The following CIT variants were observed in gnomAD, a reference collection of about 807,000 sequenced individuals.
CIT encodes the protein citron Rho-interacting kinase.
In CIT, 79 loss-of-function variants were observed where a neutral mutation model predicts 272.7. The observed-to-expected ratio is 0.29, with a 90% CI of 0.24 to 0.35. The LOEUF (loss-of-function observed/expected upper bound fraction) is 0.35. Ranked by LOEUF, CIT falls within the 10% of genes least tolerant of loss-of-function variation. The probability of loss-of-function intolerance (pLI) is 1.00; values close to 1 mark genes in which losing one functional copy is unlikely to be tolerated. For synonymous variants in CIT, 948 were observed against 995.6 expected, an observed-to-expected ratio of 0.95 and a Z score of 0.90; for missense variants, 1,909 against 2,618.3, an observed-to-expected ratio of 0.73 and a Z score of 5.91.
rs765381193 is a variant in CIT, at chr12:119,701,713, A to G, written c.5453T>C (p.Val1818Ala). 4.3e-6 allele frequency: 7 copies of G among 1,614,096 alleles called. No homozygotes were observed. The highest frequency in any genetic ancestry group is 5.9e-6 in the Non-Finnish European group (7 of 1,180,048). The stretch of plus-strand genomic sequence containing the variant: ...GAAGCTGTTGGAAGAGGCGGCAAAC[A>G]CAGCAGGTGCCAAGGAATGGTCATT... Reference protein sequence around the residue: ...DKNDHSLAPAVFAASSNSFPV... With the variant: ...DKNDHSLAPAAFAASSNSFPV... Residue 1818 changes from valine (V) to alanine (A), a missense_variant, in exon 43 of 48, where the codon GTG (valine) becomes GCG (alanine). Transcript: ENST00000392521.
At chr12:119,819,964 C>T (rs1053885282) in intron 9 of CIT, among the ~76,000 whole-genome samples, 16 of 152,118 alleles carry the variant, frequency 1.1e-4, no homozygotes, top group Non-Finnish European at 1.8e-4. Flanking sequence ...TCTGCATAGT[C>T]GGAAATGCCA....
chr12:119,814,283 AT>A, intron 9 of CIT, among the ~76,000 whole-genome samples: 1 of 152,118 alleles, frequency 6.6e-6, no homozygotes. Flanking sequence ...TTTTTGGCCT[AT>A]TTTTTCTTAC....
Position 119,718,264 on chromosome 12 carries a change from C to T in CIT, c.4149G>A (p.Lys1383=), listed in dbSNP as rs758137948. The change falls in exon 32 of 48, where the codon AAG becomes AAA. Residue 1383 remains lysine, a synonymous_variant. Coordinates refer to ENST00000392521, the MANE Select transcript of CIT (RefSeq NM_001206999.2). The surrounding 1 kb of genome is among the most constrained non-coding windows in gnomAD (Gnocchi z 4.8). ...SLLAPPSSRR[K]ESSTPEEFSR... The stretch of plus-strand genomic sequence containing the variant: ...ACGTACCCTCTGGAGTTGAAGACTC[C>T]TTTCTGCGGCTGGATGGCGGGGCCA... The T allele has an allele frequency of 6.2e-7, 1 of 1,613,352 alleles. No homozygotes were observed. The highest frequency in any genetic ancestry group is 1.7e-5 in the Admixed American group (1 of 59,950).
Position 119,698,003 on chromosome 12 carries a change from A to G in CIT, c.5675T>C (p.Ile1892Thr). The change falls in exon 45 of 48, where the codon ATT becomes ACT. Residue 1892 changes from isoleucine to threonine, a missense_variant. Physicochemically the swap from Ile to Thr is moderately conservative, Grantham distance 89. This residue lies in a region of CIT where 780 missense variants were observed against 1,067.2 expected (regional missense o/e 0.73). Transcript: ENST00000392521. ...TGCTGAGGAGCGTGCCTGGATCTCA[A>G]TTACTTCGAGTGAGTTGAAGTGGGT... ...FVTHFNSLEV[I>T]EIQARSSAGT... is the part of the protein sequence containing the mutation. 1 of 1,614,220 alleles carries G rather than the reference A, an allele frequency of 6.2e-7. No homozygotes were observed. Among genetic ancestry groups the G allele is most frequent in the Non-Finnish European group, 8.5e-7 (1 of 1,180,028 alleles).
chr12:119,727,019 G>T (rs1958151539), intron 28 of CIT, among the ~76,000 whole-genome samples: 1 of 152,176 alleles, frequency 6.6e-6, no homozygotes, highest in South Asian at 2.1e-4. Context: ...TCTGCCCTGT[G>T]CAGGAAGCTA....
intron 46 of CIT, among the ~76,000 whole-genome samples, chr12:119,695,652 TGG>T (rs1956186157): frequency 6.6e-6 from 1 of 152,072 alleles, no homozygotes; most frequent in Non-Finnish European, 1.5e-5. Flanking sequence ...AAAAATTAGC[TGG>T]GTGTGGTGGC....
At chr12:119,868,948 T>A in intron 3 of CIT, 112 bp downstream of exon 3, 1 of 1,301,652 alleles carries the variant, frequency 7.7e-7, no homozygotes. Flanking sequence ...CTGTCTTATA[T>A]AGAACCAGAG....
At chr12:119,750,748 TATAG>T (rs6144898) in intron 23 of CIT, among the ~76,000 whole-genome samples, 26,734 of 147,738 alleles carry the variant, frequency 0.18, 2,469 homozygotes, top group East Asian at 0.25. Context: ...TATATATAGA[TATAG>T]ATAGATAGAT....
At chr12:119,826,815 G>T (rs183844859) in intron 7 of CIT, among the ~76,000 whole-genome samples, 1 of 152,156 alleles carries the variant, frequency 6.6e-6, no homozygotes, top group Non-Finnish European at 1.5e-5. Flanking sequence ...TACCTTGAAG[G>T]CTGGGCTTTT....
rs746941171 is a variant in CIT at position 119,721,273 on chromosome 12, A to G, written c.3732+36T>C. ...TGAGCCACTGCGCCCAGCCGTGCAG[A>G]CCATTTTTAAGCAGATTCCCTCTGC... On this transcript the variant is annotated intron_variant, in intron 29 of 47. Transcript: ENST00000392521. 1.9e-6 allele frequency: 3 copies of G among 1,572,042 alleles called. No individual in the cohort carries two copies. The African/African-American group carries it at 4.0e-5, about 21-fold the overall frequency.
intron 3 of CIT, among the ~76,000 whole-genome samples, chr12:119,868,851 T>A (rs1478361130): frequency 6.6e-6 from 1 of 152,218 alleles, no homozygotes; most frequent in African/African-American, 2.4e-5. Flanking sequence ...ATTCAGTCTT[T>A]GAATTAAGTT....
intron 9 of CIT, among the ~76,000 whole-genome samples, chr12:119,822,276 C>T (rs527652030): frequency 1.3e-5 from 2 of 152,314 alleles, no homozygotes; most frequent in Admixed American, 1.3e-4. Flanking sequence ...ATTCAGTTTG[C>T]ACTAACTGAT....
Position 119,718,291 on chromosome 12 carries a change from C to G in CIT, c.4122G>C (p.Leu1374=), listed in dbSNP as rs1957640657. The G allele has an allele frequency of 4.3e-6, 7 of 1,613,924 alleles. No individual in the cohort carries two copies. The highest frequency in any genetic ancestry group is 5.9e-6 in the Non-Finnish European group (7 of 1,179,892). ...TTCTGCGGCTGGATGGCGGGGCCAG[C>G]AGGCTCATGGCACTGGGCTGGTGCT... ...SPEHQPSAMS[L]LAPPSSRRKE... The change falls in exon 32 of 48, where the codon CTG becomes CTC. Residue 1374 remains leucine, a synonymous_variant. Coordinates refer to ENST00000392521, the MANE Select transcript of CIT (RefSeq NM_001206999.2). The surrounding 1 kb of genome is among the most constrained non-coding windows in gnomAD (Gnocchi z 4.8).
intron 9 of CIT, among the ~76,000 whole-genome samples, chr12:119,819,597 A>G (rs906287247): frequency 2.0e-5 from 3 of 152,224 alleles, no homozygotes; most frequent in African/African-American, 7.2e-5. Flanking sequence ...TGGGGGTGAA[A>G]CCGCACAAAG....
intron 32 of CIT, among the ~76,000 whole-genome samples, chr12:119,715,428 C>T (rs76189565): frequency 3.9e-5 from 6 of 152,280 alleles, no homozygotes; most frequent in Non-Finnish European, 8.8e-5. Flanking sequence ...AGAAGCCAGA[C>T]ACAAAGGCCG....
intron 5 of CIT, among the ~76,000 whole-genome samples, chr12:119,849,696 T>C (rs553168076): frequency 7.3e-6 from 1 of 137,732 alleles, no homozygotes; most frequent in East Asian, 2.2e-4. Context: ...TTTCTTTTTT[T>C]TTTTTTTGAG....
At chr12:119,705,803 A>AAAAT (rs1956846255) in intron 40 of CIT, among the ~76,000 whole-genome samples, 1 of 119,360 alleles carries the variant, frequency 8.4e-6, no homozygotes, top group Non-Finnish European at 1.8e-5. Flanking sequence ...AAAAAAAAAA[A>AAAAT]TTTTGGCCAG....
Position 119,735,206 on chromosome 12 carries a change from C to T in CIT, c.3110G>A (p.Arg1037His), listed in dbSNP as rs538911447. 5 of 1,614,012 alleles carry T rather than the reference C, an allele frequency of 3.1e-6. No individual in the cohort carries two copies. The highest frequency in any genetic ancestry group is 1.7e-5 in the Admixed American group (1 of 59,996). Reference sequence around the variant, plus strand: ...CATCTCTCGTTCCGTGATCTCCCGGCGGAGATGGTCCACTTCACTTCGCAG... The same window carrying T: ...CATCTCTCGTTCCGTGATCTCCCGGTGGAGATGGTCCACTTCACTTCGCAG... ...VQLRSEVDHLRREITEREMQL... is the reference protein window; with the variant it reads ...VQLRSEVDHLHREITEREMQL... Residue 1037 changes from arginine to histidine, a missense_variant, in exon 25 of 48, where the codon CGC becomes CAC. Physicochemically the swap from Arg to His is conservative, Grantham distance 29 (BLOSUM62 0). Around this residue, in one of 8 missense-constraint regions of CIT, gnomAD observed 530 missense variants for 822.4 expected, o/e 0.64. Transcript: ENST00000392521.
At chr12:119,841,815 G>A (rs1186752258) in intron 5 of CIT, among the ~76,000 whole-genome samples, 4 of 152,234 alleles carry the variant, frequency 2.6e-5, no homozygotes. Flanking sequence ...GAAGGGGGGA[G>A]TCACAACATG....
Sources: allele counts gnomAD v4.1 joint callset (sites outside exome capture counted in the v4.1 genomes callset), GRCh38; gene constraint gnomAD v4.1.1; regional missense constraint gnomAD v4.1.1; non-coding constraint Gnocchi (gnomAD v3.1); transcripts MANE v1.5; gene names NCBI Gene and HGNC (gene_info 2026-07-23, HGNC 2026-07-21).